The following NOVA1 variants were observed in gnomAD, a reference collection of about 807,000 sequenced individuals.
NOVA1 encodes the protein RNA-binding protein Nova-1.
NOVA1 carries 7 observed loss-of-function variants against 38.0 expected under a neutral mutation model. The observed-to-expected ratio is 0.18, with a 90% CI of 0.10 to 0.35. NOVA1 has a LOEUF of 0.35. NOVA1 is among the 10% of genes least tolerant of loss of function. The pLI is 1.00. For synonymous variants in NOVA1, 270 were observed against 232.5 expected, an observed-to-expected ratio of 1.16 and a Z score of -1.47; for missense variants, 460 against 616.0, an observed-to-expected ratio of 0.75 and a Z score of 2.68.
At chr14:26,476,999 G>A (rs1214143515) in intron 3 of NOVA1, among the ~76,000 whole-genome samples, 1 of 148,014 alleles carries the variant, frequency 6.8e-6, no homozygotes, top group African/African-American at 2.6e-5. Flanking sequence ...ACAGGCGTGA[G>A]CCACAGTGCC....
chr14:26,494,753 C>A (rs1379134178), intron 2 of NOVA1, among the ~76,000 whole-genome samples: 1 of 152,122 alleles, frequency 6.6e-6, no homozygotes, highest in East Asian at 1.9e-4. Flanking sequence ...TCTACCAACA[C>A]CTCCCTAGTC....
At chr14:26,534,083 A>G (rs1395563479) in intron 2 of NOVA1, among the ~76,000 whole-genome samples, 2 of 152,202 alleles carry the variant, frequency 1.3e-5, no homozygotes, top group Non-Finnish European at 2.9e-5. Context: ...ACTAATAACT[A>G]GCATAACTCT....
At chr14:26,534,901 A>G (rs1889963267) in intron 2 of NOVA1, among the ~76,000 whole-genome samples, 1 of 152,164 alleles carries the variant, frequency 6.6e-6, no homozygotes, top group Non-Finnish European at 1.5e-5. Context: ...AAAGGTAGAA[A>G]TGACAAGGAA....
intron 2 of NOVA1, among the ~76,000 whole-genome samples, chr14:26,566,041 T>A (rs1892118078): frequency 6.6e-6 from 1 of 152,118 alleles, no homozygotes; most frequent in African/African-American, 2.4e-5. Context: ...ATTTGGATAC[T>A]AAAATTATAT....
At chr14:26,575,135 T>A (rs1307932181) in intron 2 of NOVA1, among the ~76,000 whole-genome samples, 1 of 152,324 alleles carries the variant, frequency 6.6e-6, no homozygotes, top group South Asian at 2.1e-4. Context: ...TTAAAATGTA[T>A]GTAATTCAAT....
rs545767131 is a variant in NOVA1 at position 26,516,743 on chromosome 14, C to CAA, written c.281-36602_281-36601dup. ...TTGGTCTACTTATTTATCCTTGCAG[C>CAA]AACAGCACACTGTCTCAATGGGACT... On this transcript the variant is annotated intron_variant, in intron 2 of 4. Transcript: ENST00000539517. Among the ~76,000 whole-genome samples, 910 of 152,258 alleles carry CAA rather than the reference C, an allele frequency of 6.0e-3. 4 individuals carry two copies. The highest frequency in any genetic ancestry group is 0.014 in the Middle Eastern group (4 of 294).
At chr14:26,554,600 G>T (rs368659180) in intron 2 of NOVA1, among the ~76,000 whole-genome samples, 2 of 151,780 alleles carry the variant, frequency 1.3e-5, no homozygotes, top group East Asian at 1.9e-4. Flanking sequence ...ATGAGTAAAA[G>T]AAACAAAAAA....
intron 2 of NOVA1, among the ~76,000 whole-genome samples, chr14:26,550,355 A>AT (rs907983728): frequency 1.8e-4 from 27 of 152,296 alleles, no homozygotes; most frequent in African/African-American, 5.8e-4. Flanking sequence ...TTGAAAAAGA[A>AT]TTTTTTGAAA....
intron 2 of NOVA1, among the ~76,000 whole-genome samples, chr14:26,482,005 A>AAAAAC (rs1555318962): frequency 5.5e-5 from 8 of 146,748 alleles, no homozygotes; most frequent in South Asian, 2.1e-4. Context: ...AAAAAAAAAA[A>AAAAAC]AAAAAAAAAC....
At chr14:26,569,675 G>A (rs1231612684) in intron 2 of NOVA1, among the ~76,000 whole-genome samples, 1 of 152,100 alleles carries the variant, frequency 6.6e-6, no homozygotes, top group Non-Finnish European at 1.5e-5. Flanking sequence ...AAACTTCAAA[G>A]TGGCATAATC....
At chr14:26,509,885 G>C (rs1478608392) in intron 2 of NOVA1, among the ~76,000 whole-genome samples, 2 of 152,126 alleles carry the variant, frequency 1.3e-5, no homozygotes, top group Non-Finnish European at 2.9e-5. Flanking sequence ...TCACCATGTT[G>C]GTTAGGTTGG....
At chr14:26,584,393 C>T (rs2138782226) in intron 2 of NOVA1, among the ~76,000 whole-genome samples, 1 of 151,622 alleles carries the variant, frequency 6.6e-6, no homozygotes, top group Admixed American at 6.6e-5. Flanking sequence ...ACTATATTTA[C>T]ATAAATATAT....
At chr14:26,540,702 T>C (rs1890412101) in intron 2 of NOVA1, among the ~76,000 whole-genome samples, 1 of 152,196 alleles carries the variant, frequency 6.6e-6, no homozygotes, top group Non-Finnish European at 1.5e-5. Flanking sequence ...GTTGGAATAA[T>C]GTGAGATTAA....
chr14:26,594,520 TA>T (rs898109627), intron 2 of NOVA1: 1 of 151,892 alleles, frequency 6.6e-6, no homozygotes, highest in Admixed American at 6.6e-5. Flanking sequence ...AAATAACCTT[TA>T]AAAAAATCAC....
intron 2 of NOVA1, among the ~76,000 whole-genome samples, chr14:26,526,675 T>C (rs896422430): frequency 3.3e-5 from 5 of 152,152 alleles, no homozygotes; most frequent in African/African-American, 4.8e-5. Context: ...ACACTAATAC[T>C]GGGTGGTAAA....
At chr14:26,531,469 T>C (rs1479761414) in intron 2 of NOVA1, among the ~76,000 whole-genome samples, 2 of 152,032 alleles carry the variant, frequency 1.3e-5, no homozygotes, top group Non-Finnish European at 2.9e-5. Context: ...TAGCTGGGTG[T>C]GGTGGCACAT....
intron 4 of NOVA1, among the ~76,000 whole-genome samples, chr14:26,452,185 C>T (rs1882740799): frequency 6.6e-6 from 1 of 152,294 alleles, no homozygotes; most frequent in Admixed American, 6.5e-5. Context: ...CTTTGCCTTA[C>T]ACTGTCTTTT....
In NOVA1 at chr14:26,559,063, G is replaced by C. The variant is rs556826519; in HGVS notation, c.280+36347C>G. Among the ~76,000 whole-genome samples the C allele has an allele frequency of 2.0e-5, 3 of 151,900 alleles. No homozygotes were observed. The South Asian group carries it at 6.2e-4, about 32-fold the overall frequency. ...ATAAATTTTCAACAAGAAAGTAGTA[G>C]TTTTCTACCCTTTAAAGTTAAAAAA... On this transcript the variant is annotated intron_variant, in intron 2 of 4. Coordinates refer to ENST00000539517, the MANE Select transcript of NOVA1 (RefSeq NM_002515.3).
intron 2 of NOVA1, among the ~76,000 whole-genome samples, chr14:26,588,652 C>G (rs1435300187): frequency 6.6e-6 from 1 of 151,296 alleles, no homozygotes; most frequent in Non-Finnish European, 1.5e-5. Flanking sequence ...AATGTTTGTT[C>G]TTATTCAATG....
Sources: allele counts gnomAD v4.1 joint callset (sites outside exome capture counted in the v4.1 genomes callset), GRCh38; gene constraint gnomAD v4.1.1; transcripts MANE v1.5; gene names NCBI Gene and HGNC (gene_info 2026-07-23, HGNC 2026-07-21).